The following LRATD1 variants were observed in gnomAD, a reference collection of about 807,000 sequenced individuals.
The protein encoded by LRATD1 is LRAT domain containing 1.
A neutral mutation model predicts 21.3 loss-of-function variants in LRATD1; 8 were observed. That is an observed-to-expected ratio of 0.38 (90% confidence interval 0.22 to 0.68). The LOEUF (loss-of-function observed/expected upper bound fraction) is 0.68. Ranked by LOEUF, LRATD1 falls within the 30% of genes least tolerant of loss-of-function variation. The probability of loss-of-function intolerance (pLI) is 0.54; values close to 1 mark genes in which losing one functional copy is unlikely to be tolerated. For missense variants in LRATD1, 380 were observed against 404.0 expected (o/e 0.94, Z 0.51); for synonymous variants, 210 against 186.2 (o/e 1.13, Z -1.04).
In LRATD1 at chr2:14,635,319, AGTTCAGCTCC is replaced by A; in HGVS notation, c.*462_*471del. 1 of 482,104 alleles carries A rather than the reference AGTTCAGCTCC, an allele frequency of 2.1e-6. No individual in the cohort carries two copies. Among genetic ancestry groups the A allele is most frequent in the Non-Finnish European group, 4.3e-6 (1 of 234,908 alleles). The allele number at this position is 482,104 out of a possible 1,614,324, so 29.9% of individuals were successfully genotyped here. A position where few individuals can be genotyped will look rare whatever the true frequency, so the allele number is the denominator to read the frequency against. ...GCGAGAACTGGTCTCTACAGGGCAC[AGTTCAGCTCC>A]TCTGTGGATGCGTCCCCAGATCGCA... On this transcript the variant is annotated 3_prime_UTR_variant, in exon 2 of 2. Transcript: ENST00000295092.
chr2:14,634,427 G>A lies in LRATD1; in HGVS notation c.448G>A (p.Gly150Ser), dbSNP rs775982958. ...PAPHWAVYVG[G>S]GQIIHLHQGE... ...CCCGCACTGGGCCGTCTACGTGGGC[G>A]GCGGGCAGATCATCCACCTGCACCA... The change falls in exon 2 of 2, where the codon GGC (glycine) becomes AGC (serine). Residue 150 changes from glycine (G) to serine (S), a missense_variant. Physicochemically the swap from Gly to Ser is moderately conservative, Grantham distance 56 (BLOSUM62 0). Coordinates refer to ENST00000295092, the MANE Select transcript of LRATD1 (RefSeq NM_145175.4). 1.3e-6 allele frequency: 2 copies of A among 1,524,800 alleles called. No homozygotes were observed. The highest frequency in any genetic ancestry group is 2.3e-5 in the East Asian group (1 of 43,590). The allele number at this position is 1,524,800 out of a possible 1,614,324, so 94.5% of individuals were successfully genotyped here.
At position 14,637,499 on chromosome 2, in the gene LRATD1, G is replaced by A. The variant is rs960830916; in HGVS notation, c.*2641G>A. The A allele has an allele frequency of 6.0e-6, 1 of 166,918 alleles. No homozygotes were observed. Among genetic ancestry groups the A allele is most frequent in the African/African-American group, 2.4e-5 (1 of 41,442 alleles). 10.3% of individuals were successfully genotyped at this position (166,918 alleles called of 1,614,324 possible). On this transcript the variant is annotated 3_prime_UTR_variant, in exon 2 of 2. Transcript: ENST00000295092. ...ATATTGGCCTATAAAGGATCAGGTT[G>A]ATGATAATACCTCTAAAAATATGCA... is the stretch of plus-strand genomic sequence containing the variant.
Position 14,634,756 on chromosome 2 carries a change from T to C in LRATD1, c.777T>C (p.Phe259=), listed in dbSNP as rs1671644029. The change falls in exon 2 of 2, where the codon TTT becomes TTC. Residue 259 remains phenylalanine, a synonymous_variant. Transcript: ENST00000295092. ...AGAACAAGGTCCACACCGCCAGGTT[T>C]CACAGCCTGGAAGACCTCATCCGCG... The part of the protein sequence containing the change: ...LGENKVHTAR[F]HSLEDLIREK... The C allele has an allele frequency of 6.3e-7, 1 of 1,580,066 alleles. No individual in the cohort carries two copies. The highest frequency in any genetic ancestry group is 8.6e-7 in the Non-Finnish European group (1 of 1,160,216).
Position 14,635,195 on chromosome 2 carries a change from G to T in LRATD1, c.*337G>T. 1.7e-6 allele frequency: 1 copy of T among 604,576 alleles called. No homozygotes were observed. Among genetic ancestry groups the T allele is most frequent in the Non-Finnish European group, 3.2e-6 (1 of 312,864 alleles). 37.5% of individuals were successfully genotyped at this position (604,576 alleles called of 1,614,324 possible). A position where few individuals can be genotyped will look rare whatever the true frequency, so the allele number is the denominator to read the frequency against. On this transcript the variant is annotated 3_prime_UTR_variant, in exon 2 of 2. Transcript: ENST00000295092. ...GGGGAGAAAGGACATGGCCTTCCCC[G>T]CGAGTCCATGGCCAGTGACTGTGGC...
rs1392348399 is a variant in LRATD1, at chr2:14,632,768, G to T, written c.-206G>T. On this transcript the variant is annotated 5_prime_UTR_variant, in exon 1 of 2. Coordinates refer to ENST00000295092, the MANE Select transcript of LRATD1 (RefSeq NM_145175.4). ...AGTGGGAGCAGGCGCCCCGGCCAGC[G>T]CAGACCTGGAGGCGCACGGGCGCCG... 1 of 152,392 alleles carries T rather than the reference G, an allele frequency of 6.6e-6. No homozygotes were observed. Among genetic ancestry groups the T allele is most frequent in the African/African-American group, 2.4e-5 (1 of 41,466 alleles). 9.4% of individuals were successfully genotyped at this position (152,392 alleles called of 1,614,324 possible).
chr2:14,646,001 G>A (rs959746004), intron 2 of LRATD1: 1 of 152,116 alleles, frequency 6.6e-6, no homozygotes, highest in African/African-American at 2.4e-5. Context: ...AGTACACCCA[G>A]CACTTTAACT....
downstream of LRATD1, among the ~76,000 whole-genome samples, chr2:14,643,984 T>G (rs979548191): frequency 5.9e-5 from 9 of 152,336 alleles, no homozygotes; most frequent in Non-Finnish European, 1.3e-4. Flanking sequence ...TCTCTGAATC[T>G]AATTTAATTC....
chr2:14,637,123 A>G lies in LRATD1; in HGVS notation c.*2265A>G, dbSNP rs1234430580. 1 of 167,076 alleles carries G rather than the reference A, an allele frequency of 6.0e-6. No individual in the cohort carries two copies. Among genetic ancestry groups the G allele is most frequent in the Non-Finnish European group, 1.5e-5 (1 of 68,120 alleles). 10.3% of individuals were successfully genotyped at this position (167,076 alleles called of 1,614,324 possible). A position where few individuals can be genotyped will look rare whatever the true frequency, so the allele number is the denominator to read the frequency against. ...TCTTTCAAGTAACAGGTGGCAGATC[A>G]TAAAATGAATTCTTTATTGTATCTA... On this transcript the variant is annotated 3_prime_UTR_variant, in exon 2 of 2. Coordinates refer to ENST00000295092, the MANE Select transcript of LRATD1 (RefSeq NM_145175.4).
Position 14,634,645 on chromosome 2 carries a change from C to G in LRATD1, c.666C>G (p.Gly222=), listed in dbSNP as rs1183431895. The change falls in exon 2 of 2, where the codon GGC becomes GGG. Residue 222 remains glycine (G), a synonymous_variant. Transcript: ENST00000295092. ...GCTTCGCCGCCTGGTGCCGCTTTGGCAAGCGGGAGTTCAAGGCGGGAGGGG... is the reference window on the plus strand; with the variant it reads ...GCTTCGCCGCCTGGTGCCGCTTTGGGAAGCGGGAGTTCAAGGCGGGAGGGG... ...SESFAAWCRF[G]KREFKAGGEV... 4 of 1,551,346 alleles carry G rather than the reference C, an allele frequency of 2.6e-6. No homozygotes were observed. In the African/African-American group the frequency reaches 5.5e-5, roughly 21 times the overall value.
chr2:14,642,037 G>T (rs1487793000), downstream of LRATD1: 2 of 152,170 alleles, frequency 1.3e-5, no homozygotes, highest in Non-Finnish European at 2.9e-5. Flanking sequence ...CTTGCAGTAG[G>T]TGCTAAATTA....
exon 5 of LRATD1, chr2:14,649,409 T>G: frequency 2.2e-6 from 1 of 455,826 alleles, no homozygotes; most frequent in Admixed American, 2.4e-5. Context: ...TCGACCTGGG[T>G]GAATGTACTC....
At chr2:14,649,205 G>A in intron 4 of LRATD1, 1 of 447,400 alleles carries the variant, frequency 2.2e-6, no homozygotes. Context: ...GTTGGGGGAG[G>A]GGGGATGTGG....
At position 14,638,066 on chromosome 2, in the gene LRATD1, A is replaced by G. The variant is rs545859026; in HGVS notation, c.*3208A>G. On this transcript the variant is annotated 3_prime_UTR_variant, in exon 2 of 2. Coordinates refer to ENST00000295092, the MANE Select transcript of LRATD1 (RefSeq NM_145175.4). ...GTAAAACAAACTATGATTTAAAAAAAGAAAAAAGAAAAGACAGGTACTTTT... is the reference window on the plus strand; with the variant it reads ...GTAAAACAAACTATGATTTAAAAAAGGAAAAAAGAAAAGACAGGTACTTTT... 195 of 167,112 alleles carry G rather than the reference A, an allele frequency of 1.2e-3. No individual in the cohort carries two copies. The highest frequency in any genetic ancestry group is 3.4e-3 in the Middle Eastern group (1 of 296). The allele number at this position is 167,112 out of a possible 1,614,324, so 10.4% of individuals were successfully genotyped here.
chr2:14,634,201 C>G lies in LRATD1; in HGVS notation c.222C>G (p.His74Gln). 6.2e-7 allele frequency: 1 copy of G among 1,613,382 alleles called. No homozygotes were observed. Among genetic ancestry groups the G allele is most frequent in the East Asian group, 2.2e-5 (1 of 44,868 alleles). ...AGAGCCCCAGCCGCCACCACCACCA[C>G]CTGCTGCACCAGCTGGTCCTCAACG... ...CPESPSRHHHHLLHQLVLNET... is the reference protein window; with the variant it reads ...CPESPSRHHHQLLHQLVLNET... The change falls in exon 2 of 2, where the codon CAC (histidine) becomes CAG (glutamine). Residue 74 changes from histidine to glutamine, a missense_variant. By Grantham distance (24) the His-to-Gln change is conservative. Coordinates refer to ENST00000295092, the MANE Select transcript of LRATD1 (RefSeq NM_145175.4).
chr2:14,642,329 T>C (rs1671821663), downstream of LRATD1, among the ~76,000 whole-genome samples: 1 of 152,188 alleles, frequency 6.6e-6, no homozygotes, highest in Admixed American at 6.5e-5. Flanking sequence ...AAACATTTCT[T>C]CTTGAATGAA....
Position 14,634,958 on chromosome 2 carries a change from G to C in LRATD1, c.*100G>C. 1 of 1,406,456 alleles carries C rather than the reference G, an allele frequency of 7.1e-7. No individual in the cohort carries two copies. Among genetic ancestry groups the C allele is most frequent in the Non-Finnish European group, 9.5e-7 (1 of 1,048,034 alleles). 87.1% of individuals were successfully genotyped at this position (1,406,456 alleles called of 1,614,324 possible). A position where few individuals can be genotyped will look rare whatever the true frequency, so the allele number is the denominator to read the frequency against. ...GTCAGCGGTTCTCAACCTCTGCCCC[G>C]CCCCGCCACGCGCGTCCGCCGCCGG... On this transcript the variant is annotated 3_prime_UTR_variant, in exon 2 of 2. Coordinates refer to ENST00000295092, the MANE Select transcript of LRATD1 (RefSeq NM_145175.4).
At position 14,634,865 on chromosome 2, in the gene LRATD1, A is replaced by G. The variant is rs1671647634; in HGVS notation, c.*7A>G. 1 of 1,605,168 alleles carries G rather than the reference A, an allele frequency of 6.2e-7. No individual in the cohort carries two copies. The highest frequency in any genetic ancestry group is 2.2e-5 in the East Asian group (1 of 44,610). On this transcript the variant is annotated 3_prime_UTR_variant, in exon 2 of 2. Transcript: ENST00000295092. ...CGTGGACGACAAGGAGTAGCCGCCT[A>G]GGGGCTGCCGGCCCCTCTGCCTCCC...
At chr2:14,648,099 A>G (rs910286044) in intron 4 of LRATD1, among the ~76,000 whole-genome samples, 1 of 152,176 alleles carries the variant, frequency 6.6e-6, no homozygotes, top group Non-Finnish European at 1.5e-5. Flanking sequence ...TACACGCATG[A>G]TTCTTTATTA....
chr2:14,635,541 G>A lies in LRATD1; in HGVS notation c.*683G>A, dbSNP rs1201865058. 1.5e-5 allele frequency: 7 copies of A among 470,984 alleles called. No individual in the cohort carries two copies. Among genetic ancestry groups the A allele is most frequent in the Non-Finnish European group, 2.2e-5 (5 of 227,072 alleles). 29.2% of individuals were successfully genotyped at this position (470,984 alleles called of 1,614,324 possible). A position where few individuals can be genotyped will look rare whatever the true frequency, so the allele number is the denominator to read the frequency against. ...GTGTTTGCCTCCGGTTCTTTCCACC[G>A]TGGGAAGCGAACGCCACCCCCACCC... is the stretch of plus-strand genomic sequence containing the variant. On this transcript the variant is annotated 3_prime_UTR_variant, in exon 2 of 2. Coordinates refer to ENST00000295092, the MANE Select transcript of LRATD1 (RefSeq NM_145175.4).
Sources: gnomAD v4.1 joint callset for allele counts (sites outside exome capture counted in the v4.1 genomes callset) on GRCh38, gnomAD v4.1.1 for gene constraint, MANE v1.5 for transcripts, NCBI Gene and HGNC (gene_info 2026-07-23, HGNC 2026-07-21) for gene names.